Variants in CAMK4 observed in about 807,000 individuals in gnomAD.
CAMK4 encodes calcium/calmodulin dependent protein kinase IV.
CAMK4 carries 22 observed loss-of-function variants against 44.9 expected under a neutral mutation model. The observed-to-expected ratio is 0.49, with a 90% CI of 0.35 to 0.70. The LOEUF (loss-of-function observed/expected upper bound fraction) is 0.70. CAMK4 is among the 30% of genes least tolerant of loss of function. CAMK4 has a pLI of 0.01. For synonymous variants in CAMK4, 218 were observed against 215.4 expected, an observed-to-expected ratio of 1.01 and a Z score of -0.11; for missense variants, 498 against 586.8, an observed-to-expected ratio of 0.85 and a Z score of 1.56.
intron 2 of CAMK4, among the ~76,000 whole-genome samples, chr5:111,362,404 A>G (rs1750628629): frequency 6.6e-6 from 1 of 151,796 alleles, no homozygotes; most frequent in Non-Finnish European, 1.5e-5. Flanking sequence ...GCTTATGGAT[A>G]TTAGATATTC....
At chr5:111,235,456 CT>C (rs1748670800) in intron 1 of CAMK4, among the ~76,000 whole-genome samples, 1 of 152,168 alleles carries the variant, frequency 6.6e-6, no homozygotes, top group South Asian at 2.1e-4. Context: ...ATTTTAGTGA[CT>C]CCTGAGGGAC....
intron 6 of CAMK4, among the ~76,000 whole-genome samples, chr5:111,447,776 A>C: frequency 6.6e-6 from 1 of 152,260 alleles, no homozygotes; most frequent in Non-Finnish European, 1.5e-5. Context: ...ATATCAGGGA[A>C]GAGCTCAGAT....
intron 1 of CAMK4, among the ~76,000 whole-genome samples, chr5:111,252,093 G>C (rs751762312): frequency 6.6e-6 from 1 of 152,222 alleles, no homozygotes; most frequent in African/African-American, 2.4e-5. Flanking sequence ...CCAAGGCATA[G>C]TCATAGTTAC....
At chr5:111,426,167 T>C (rs1425542343) in intron 5 of CAMK4, among the ~76,000 whole-genome samples, 1 of 152,170 alleles carries the variant, frequency 6.6e-6, no homozygotes, top group African/African-American at 2.4e-5. Flanking sequence ...TGATGCAGTA[T>C]TGGAAAGGAC....
chr5:111,401,486 C>T (rs545710470), intron 5 of CAMK4, among the ~76,000 whole-genome samples: 4 of 151,578 alleles, frequency 2.6e-5, no homozygotes, highest in Non-Finnish European at 5.9e-5. Context: ...GAGTTACAAC[C>T]AGAAGAATCT....
intron 1 of CAMK4, among the ~76,000 whole-genome samples, chr5:111,291,343 T>G (rs570203877): frequency 4.1e-4 from 62 of 152,068 alleles, no homozygotes; most frequent in African/African-American, 1.4e-3. Flanking sequence ...TTGATAAATG[T>G]CTGTTGATTT....
rs1755962081 is a variant in CAMK4, at chr5:111,493,998, G to C, written c.*9532G>C. On this transcript the variant is annotated 3_prime_UTR_variant, in exon 11 of 11. Transcript: ENST00000282356. This position sits in a 1 kb window ranked among gnomAD's most constrained non-coding sequence, Gnocchi z 4.1. ...AAAACTTCCTACTTGGGCTTTTCAG[G>C]CTTATGTGACATTATCTGGATGTGT... 6.6e-6 allele frequency: 1 copy of C among 152,150 alleles called. No homozygotes were observed. The highest frequency in any genetic ancestry group is 2.4e-5 in the African/African-American group (1 of 41,430). The allele number at this position is 152,150 out of a possible 1,614,324, so 9.4% of individuals were successfully genotyped here.
chr5:111,389,097 G>T (rs1488982195), intron 4 of CAMK4, among the ~76,000 whole-genome samples: 2 of 152,192 alleles, frequency 1.3e-5, no homozygotes, highest in African/African-American at 4.8e-5. Context: ...CTGGAGGCTG[G>T]AAAGTCCAAG....
At chr5:111,308,145 A>T (rs928069799) in intron 1 of CAMK4, among the ~76,000 whole-genome samples, 1 of 132,406 alleles carries the variant, frequency 7.6e-6, no homozygotes, top group Non-Finnish European at 1.6e-5. Context: ...GATATACCTA[A>T]TGCTAGATGA....
At chr5:111,320,865 C>T (rs1047138410) in intron 1 of CAMK4, among the ~76,000 whole-genome samples, 2 of 152,192 alleles carry the variant, frequency 1.3e-5, no homozygotes, top group Non-Finnish European at 2.9e-5. Context: ...AACATCTCTG[C>T]AGTCAAGATG....
intron 7 of CAMK4, among the ~76,000 whole-genome samples, chr5:111,460,524 G>A (rs1205444809): frequency 6.6e-6 from 1 of 151,844 alleles, no homozygotes; most frequent in African/African-American, 2.4e-5. Context: ...CACCCACCTT[G>A]TAATATTTTT....
rs780002394 is a variant in CAMK4 at position 111,374,842 on chromosome 5, C to A, written c.241-8C>A. On this transcript the variant is annotated splice_polypyrimidine_tract_variant and splice_region_variant and intron_variant, in intron 2 of 10. Transcript: ENST00000282356. ...CTTTCAGTTTATCTCTTTTATTTTG[C>A]CTTTTAGGTGGACAAAAAAATCGTA... The A allele has an allele frequency of 1.9e-5, 31 of 1,592,974 alleles. No homozygotes were observed. The highest frequency in any genetic ancestry group is 2.4e-5 in the Non-Finnish European group (28 of 1,161,484).
At chr5:111,236,274 A>G (rs1002408472) in intron 1 of CAMK4, among the ~76,000 whole-genome samples, 4 of 152,232 alleles carry the variant, frequency 2.6e-5, no homozygotes, top group Non-Finnish European at 5.9e-5. Context: ...CTTGTTAGCA[A>G]TCTGAGCTCA....
chr5:111,258,740 CGT>C (rs201959904), intron 1 of CAMK4, among the ~76,000 whole-genome samples: 22,877 of 138,968 alleles, frequency 0.16, 1,826 homozygotes, highest in Admixed American at 0.2. Context: ...GAGTTATCAG[CGT>C]GTGTGTGTGT....
chr5:111,403,327 C>T (rs967148608), intron 5 of CAMK4, among the ~76,000 whole-genome samples: 5 of 152,110 alleles, frequency 3.3e-5, no homozygotes, highest in Non-Finnish European at 7.4e-5. Flanking sequence ...AGTTCAAGTA[C>T]GTAATGAAAG....
chr5:111,391,502 G>C (rs1385364894), intron 4 of CAMK4, among the ~76,000 whole-genome samples: 1 of 151,818 alleles, frequency 6.6e-6, no homozygotes, highest in African/African-American at 2.4e-5. Context: ...GGCAGTGAAA[G>C]CATGTCAGGA....
At chr5:111,277,725 A>G (rs781708851) in intron 1 of CAMK4, 3 of 152,082 alleles carry the variant, frequency 2.0e-5, no homozygotes, top group Non-Finnish European at 4.4e-5. Flanking sequence ...TTTTTTGTGT[A>G]TCTCAGTGGC....
chr5:111,358,899 G>T (rs1203912690), intron 2 of CAMK4, among the ~76,000 whole-genome samples: 1 of 152,030 alleles, frequency 6.6e-6, no homozygotes, highest in Non-Finnish European at 1.5e-5. Flanking sequence ...TCCTGCAAAG[G>T]ACATTATCTC....
intron 5 of CAMK4, among the ~76,000 whole-genome samples, chr5:111,427,373 G>T (rs1210614432): frequency 6.6e-6 from 1 of 152,192 alleles, no homozygotes; most frequent in Non-Finnish European, 1.5e-5. Flanking sequence ...CTACGTCAAG[G>T]ACCTTAGCCT....
Sources: allele counts gnomAD v4.1 joint callset (sites outside exome capture counted in the v4.1 genomes callset), GRCh38; gene constraint gnomAD v4.1.1; non-coding constraint Gnocchi (gnomAD v3.1); transcripts MANE v1.5; gene names NCBI Gene and HGNC (gene_info 2026-07-23, HGNC 2026-07-21).